The following ZNF341 variants were observed in gnomAD, a reference collection of about 807,000 sequenced individuals.
ZNF341 encodes the protein zinc finger protein 341.
A neutral mutation model predicts 87.7 loss-of-function variants in ZNF341; 52 were observed. The observed-to-expected ratio is 0.59, with a 90% CI of 0.47 to 0.75. ZNF341 has a LOEUF of 0.75. Among genes scored for constraint, ZNF341 ranks in the 30% least tolerant of loss-of-function variants. The probability of loss-of-function intolerance (pLI) is 0.00; values close to 1 mark genes in which losing one functional copy is unlikely to be tolerated. For missense variants in ZNF341, 977 were observed against 1,145.9 expected, an observed-to-expected ratio of 0.85 and a Z score of 2.13; for synonymous variants, 459 against 472.7, an observed-to-expected ratio of 0.97 and a Z score of 0.38.
chr20:33,740,805 GC>G, intron 1 of ZNF341, 96 bp from the exon 2 acceptor site: 1 of 1,089,632 alleles, frequency 9.2e-7, no homozygotes, highest in Non-Finnish European at 1.4e-6. Context: ...ACCGTACCCA[GC>G]CGCCACAGGG....
chr20:33,736,115 T>A (rs77061772), intron 1 of ZNF341, among the ~76,000 whole-genome samples: 1 of 130,400 alleles, frequency 7.7e-6, no homozygotes. Context: ...TTTTTTTTTT[T>A]AGACCCTGTC....
At position 33,773,188 on chromosome 20, in the gene ZNF341, G is replaced by A. The variant is rs532084608; in HGVS notation, c.1622+2896G>A. ...CCATTTTGAAGATGAAGACACTGAG[G>A]TTCAAAGAGAAGTGACCTGCCCACC... On this transcript the variant is annotated intron_variant, in intron 10 of 14. Coordinates refer to ENST00000375200, the MANE Select transcript of ZNF341 (RefSeq NM_001282933.2). Among the ~76,000 whole-genome samples the A allele has an allele frequency of 2.0e-5, 3 of 152,260 alleles. No homozygotes were observed. The South Asian group carries it at 6.2e-4, about 32-fold the overall frequency.
intron 4 of ZNF341, among the ~76,000 whole-genome samples, chr20:33,749,414 T>A (rs1295246825): frequency 6.6e-6 from 1 of 152,080 alleles, no homozygotes; most frequent in African/African-American, 2.4e-5. Context: ...TGCCTCAGCC[T>A]CCTGAGTAGC....
At chr20:33,781,133 C>T (rs981611168) in intron 10 of ZNF341, among the ~76,000 whole-genome samples, 158 bp from the exon 11 acceptor site, 1 of 152,144 alleles carries the variant, frequency 6.6e-6, no homozygotes, top group African/African-American at 2.4e-5. Flanking sequence ...TGATGGCGCT[C>T]AGATGAGGAC....
rs140477900 is a variant in ZNF341, at chr20:33,745,160, C to T, written c.200C>T (p.Ala67Val). The change falls in exon 3 of 15, where the codon GCG becomes GTG. Residue 67 changes from alanine (A) to valine (V), a missense_variant. By Grantham distance (64) the Ala-to-Val change is moderately conservative. Coordinates refer to ENST00000375200, the MANE Select transcript of ZNF341 (RefSeq NM_001282933.2). The stretch of plus-strand genomic sequence containing the variant: ...AAGAAGCAATTCAACTCGCTGCCAG[C>T]GTTTATGACCCACAAGCGGGAACAG... ...KCKKQFNSLP[A>V]FMTHKREQCQ... The T allele has an allele frequency of 2.3e-5, 37 of 1,614,076 alleles. 1 individual carries two copies. The Admixed American group carries it at 3.5e-4, about 15-fold the overall frequency.
At chr20:33,742,345 C>T (rs148879798) in intron 2 of ZNF341, among the ~76,000 whole-genome samples, 3,186 of 152,036 alleles carry the variant, frequency 0.021, 109 homozygotes, top group African/African-American at 0.072. Flanking sequence ...TACAGGTGCC[C>T]GCCACCATGC....
In ZNF341 at chr20:33,791,220, C is replaced by A; in HGVS notation, c.2268C>A (p.Cys756Ter). ...PPQRRAAPRS[C>*]GSGGRKVLTP... The stretch of plus-strand genomic sequence containing the variant: ...AGAGGAGGGCAGCCCCCCGCAGTTG[C>A]GGCAGTGGTGGGCGCAAGGTGCTGA... Residue 756 changes from cysteine to a stop codon, truncating the protein, a stop_gained, in exon 15 of 15, where the codon TGC becomes TGA. Transcript: ENST00000375200. LOFTEE classifies it high-confidence loss of function. The A allele has an allele frequency of 2.5e-6, 4 of 1,612,082 alleles. No homozygotes were observed. Among genetic ancestry groups the A allele is most frequent in the Non-Finnish European group, 3.4e-6 (4 of 1,179,446 alleles).
chr20:33,766,495 A>G (rs576373676), intron 8 of ZNF341, among the ~76,000 whole-genome samples: 1 of 152,226 alleles, frequency 6.6e-6, no homozygotes, highest in South Asian at 2.1e-4. Context: ...GCACCCGGCC[A>G]GATGATTACA....
chr20:33,734,164 A>G (rs1209576245), intron 1 of ZNF341, among the ~76,000 whole-genome samples: 1 of 152,208 alleles, frequency 6.6e-6, no homozygotes, highest in African/African-American at 2.4e-5. Flanking sequence ...GGAGGAGGGC[A>G]GGAGAATGGC....
In ZNF341 at chr20:33,791,064, C is replaced by T. The variant is rs763376514; in HGVS notation, c.2112C>T (p.Ala704=). ...CCCACCTCGCCGAGCATCAGCGCGC[C>T]CACACGGGCAACTACAAGTTCCGCT... ...RRAHLAEHQR[A]HTGNYKFRCA... The change falls in exon 15 of 15, where the codon GCC becomes GCT. Residue 704 remains alanine, a synonymous_variant. Coordinates refer to ENST00000375200, the MANE Select transcript of ZNF341 (RefSeq NM_001282933.2). 17 of 1,613,476 alleles carry T rather than the reference C, an allele frequency of 1.1e-5. No individual in the cohort carries two copies. Among genetic ancestry groups the T allele is most frequent in the Non-Finnish European group, 1.3e-5 (15 of 1,180,028 alleles).
At chr20:33,776,399 T>A (rs546517707) in intron 10 of ZNF341, among the ~76,000 whole-genome samples, 26 of 151,540 alleles carry the variant, frequency 1.7e-4, no homozygotes, top group African/African-American at 6.3e-4. Context: ...GGCCTTTTTT[T>A]TTTTTTGAGA....
intron 13 of ZNF341, 147 bp downstream of exon 13, chr20:33,789,121 G>C (rs2019941790): frequency 1.3e-5 from 8 of 634,520 alleles, no homozygotes; most frequent in Non-Finnish European, 2.2e-5. Context: ...TGTCATCCAG[G>C]CTGGAGTGCA....
rs368551096 is a variant in ZNF341 at position 33,791,329 on chromosome 20, C to A, written c.2377C>A (p.Pro793Thr). Residue 793 changes from proline (P) to threonine (T), a missense_variant, in exon 15 of 15, where the codon CCC becomes ACC. By Grantham distance (38) the Pro-to-Thr change is conservative (BLOSUM62 -1). Around this residue, in one of 3 missense-constraint regions of ZNF341, gnomAD observed 221 missense variants for 212.7 expected, o/e 1.04. Coordinates refer to ENST00000375200, the MANE Select transcript of ZNF341 (RefSeq NM_001282933.2). ...LVPEAVPGKPPFAEPDAVLSI... is the reference protein window; with the variant it reads ...LVPEAVPGKPTFAEPDAVLSI... ...GCCCGAGGCTGTCCCCGGCAAGCCG[C>A]CCTTCGCAGAGCCGGACGCGGTGCT... 1.9e-6 allele frequency: 3 copies of A among 1,611,840 alleles called. No individual in the cohort carries two copies. The African/African-American group carries it at 4.0e-5, about 22-fold the overall frequency.
intron 1 of ZNF341, among the ~76,000 whole-genome samples, chr20:33,740,064 A>G (rs1218385659): frequency 1.3e-5 from 2 of 152,110 alleles, no homozygotes; most frequent in Non-Finnish European, 2.9e-5. Flanking sequence ...GGGTCTCACC[A>G]TGTTGGCCAG....
chr20:33,746,441 C>T (rs2018926511), intron 3 of ZNF341, among the ~76,000 whole-genome samples: 1 of 151,740 alleles, frequency 6.6e-6, no homozygotes, highest in Non-Finnish European at 1.5e-5. Context: ...ACCATGTTGG[C>T]CAAGATATTC....
chr20:33,770,147 C>T lies in ZNF341; in HGVS notation c.1477C>T (p.His493Tyr), dbSNP rs1363395431. 3 of 1,614,006 alleles carry T rather than the reference C, an allele frequency of 1.9e-6. No individual in the cohort carries two copies. The highest frequency in any genetic ancestry group is 2.5e-6 in the Non-Finnish European group (3 of 1,180,008). ...CCCAAAGCTCGACACATTTCTGGAG[C>T]ACATCAAGAGCCACCAGGAGGAGCT... is the stretch of plus-strand genomic sequence containing the variant. ...TFPKLDTFLE[H>Y]IKSHQEELSY... Residue 493 changes from histidine to tyrosine, a missense_variant, in exon 10 of 15, where the codon CAC becomes TAC. Physicochemically the swap from His to Tyr is moderately conservative, Grantham distance 83. This residue lies in a region of ZNF341 where 241 missense variants were observed against 335.0 expected (regional missense o/e 0.72). Coordinates refer to ENST00000375200, the MANE Select transcript of ZNF341 (RefSeq NM_001282933.2).
intron 5 of ZNF341, among the ~76,000 whole-genome samples, chr20:33,755,214 G>A (rs2019152780): frequency 6.6e-6 from 1 of 152,186 alleles, no homozygotes; most frequent in Admixed American, 6.6e-5. Flanking sequence ...CAAAGTGCTG[G>A]GATTACAGGC....
chr20:33,753,322 G>A lies in ZNF341; in HGVS notation c.640G>A (p.Gly214Arg), dbSNP rs2122664819. The change falls in exon 5 of 15, where the codon GGG becomes AGG. Residue 214 changes from glycine to arginine, a missense_variant. By Grantham distance (125) the Gly-to-Arg change is moderately radical (BLOSUM62 -2). Transcript: ENST00000375200. ...CCCCCCTGGGCGTCCCAACCCTGGTGGGAACGGTGTGGTGGAGGTGTACAG... is the reference window on the plus strand; with the variant it reads ...CCCCCCTGGGCGTCCCAACCCTGGTAGGAACGGTGTGGTGGAGGTGTACAG... Reference protein sequence around the residue: ...LGPPGRPNPGGNGVVEVYSAA... With the variant: ...LGPPGRPNPGRNGVVEVYSAA... The A allele has an allele frequency of 6.2e-7, 1 of 1,611,156 alleles. No homozygotes were observed. Among genetic ancestry groups the A allele is most frequent in the Non-Finnish European group, 8.5e-7 (1 of 1,178,756 alleles).
At position 33,791,603 on chromosome 20, in the gene ZNF341, A is replaced by C; in HGVS notation, c.*86A>C. On this transcript the variant is annotated 3_prime_UTR_variant, in exon 15 of 15. Coordinates refer to ENST00000375200, the MANE Select transcript of ZNF341 (RefSeq NM_001282933.2). ...TGGGGGCAGACCGGTGATCCTTACC[A>C]GTGGAAGCGAGCCATCGAGCCATTG... 7.3e-7 allele frequency: 1 copy of C among 1,367,422 alleles called. No homozygotes were observed. The highest frequency in any genetic ancestry group is 1.6e-5 in the South Asian group (1 of 64,048). 84.7% of individuals were successfully genotyped at this position (1,367,422 alleles called of 1,614,324 possible).
Sources: gnomAD v4.1 joint callset for allele counts (sites outside exome capture counted in the v4.1 genomes callset) on GRCh38, gnomAD v4.1.1 for gene constraint, gnomAD v4.1.1 regional missense constraint, MANE v1.5 for transcripts, NCBI Gene and HGNC (gene_info 2026-07-23, HGNC 2026-07-21) for gene names.